PCDHA7: variants seen among roughly 807,000 people sequenced by gnomAD.
PCDHA7 encodes protocadherin alpha-7.
A neutral mutation model predicts 57.2 loss-of-function variants in PCDHA7; 37 were observed. The ratio of observed to expected loss-of-function variants is 0.65; its 90% CI spans 0.50 to 0.85. The LOEUF is 0.85. PCDHA7 is among the 40% of genes least tolerant of loss of function. The pLI, the probability that PCDHA7 is intolerant of heterozygous loss-of-function variation, is 0.00. For missense variants in PCDHA7, 1,188 were observed against 1,241.8 expected, an observed-to-expected ratio of 0.96 and a Z score of 0.65; for synonymous variants, 553 against 558.8, an observed-to-expected ratio of 0.99 and a Z score of 0.15.
intron 3 of PCDHA7, among the ~76,000 whole-genome samples, chr5:141,006,816 G>C (rs1554260932): frequency 6.6e-6 from 1 of 152,082 alleles, no homozygotes; most frequent in African/African-American, 2.4e-5. Flanking sequence ...TGAGAAATGG[G>C]GTAAATGGGG....
chr5:140,841,459 C>T, intron 1 of PCDHA7: 2 of 1,612,886 alleles, frequency 1.2e-6, no homozygotes, highest in South Asian at 1.1e-5. Context: ...CCTTCGTGGG[C>T]CGGATCGCGC....
At chr5:140,870,073 A>G in intron 1 of PCDHA7, 1 of 1,613,872 alleles carries the variant, frequency 6.2e-7, no homozygotes. Flanking sequence ...GGCTACAGAT[A>G]AGGGGACTCC....
At position 140,877,198 on chromosome 5, in the gene PCDHA7, G is replaced by A. The variant is rs781787046; in HGVS notation, c.2355+40460G>A. On this transcript the variant is annotated intron_variant, in intron 1 of 3. Transcript: ENST00000525929. Reference sequence around the variant, plus strand: ...GACTCCGGCTGGCAGCGCAGGAGGCGCAGTTAGCGAGTTGGTACCGCGGTC... The same window carrying A: ...GACTCCGGCTGGCAGCGCAGGAGGCACAGTTAGCGAGTTGGTACCGCGGTC... The A allele has an allele frequency of 1.5e-5, 24 of 1,613,830 alleles. No individual in the cohort carries two copies. The highest frequency in any genetic ancestry group is 7.7e-5 in the South Asian group (7 of 91,064).
chr5:140,848,892 T>C, intron 1 of PCDHA7: 1 of 1,601,494 alleles, frequency 6.2e-7, no homozygotes, highest in East Asian at 2.2e-5. Context: ...CCCTCCAGTG[T>C]TCCCAGCGAC....
rs183412283 is a variant in PCDHA7 at position 140,968,329 on chromosome 5, T to C, written c.2356-10620T>C. On this transcript the variant is annotated intron_variant, in intron 1 of 3. Transcript: ENST00000525929. ...TTCAAGGGCTGCCAGTCACCTCCTA[T>C]GTCTCCATTAACAGTGCCAGTGGCA... is the stretch of plus-strand genomic sequence containing the variant. 7.7e-5 allele frequency: 125 copies of C among 1,614,150 alleles called. 1 individual carries two copies. In the East Asian group the frequency reaches 2.7e-3, roughly 34 times the overall value.
intron 1 of PCDHA7, chr5:140,884,511 G>A (rs1202323930): frequency 6.2e-7 from 1 of 1,614,192 alleles, no homozygotes; most frequent in Non-Finnish European, 8.5e-7. Flanking sequence ...GCAGGGAGTT[G>A]GTCGTACTCG....
intron 1 of PCDHA7, among the ~76,000 whole-genome samples, chr5:140,845,370 T>C (rs1032525596): frequency 6.7e-6 from 1 of 149,690 alleles, no homozygotes; most frequent in Non-Finnish European, 1.5e-5. Flanking sequence ...CAAAATATCA[T>C]AAATAGGAGG....
chr5:140,848,357 T>C (rs2150409370), intron 1 of PCDHA7: 16 of 1,035,266 alleles, frequency 1.5e-5, no homozygotes, highest in African/African-American at 1.1e-4. Context: ...CCTTTTCCCA[T>C]GGGAAAGAGG....
Position 140,986,801 on chromosome 5 carries a change from T to C in PCDHA7, c.2503+4238T>C, listed in dbSNP as rs1381514203. ...CGGAAGCCACTAAGGCAGTGAGTCT[T>C]AGTTAGAGAACTTTGGTTTAGACAA... On this transcript the variant is annotated intron_variant, in intron 3 of 3. Coordinates refer to ENST00000525929, the MANE Select transcript of PCDHA7 (RefSeq NM_018910.3). 2.0e-5 allele frequency among the ~76,000 whole-genome samples: 3 copies of C among 152,144 alleles called. No homozygotes were observed. The East Asian group carries it at 5.8e-4, about 29-fold the overall frequency.
At chr5:140,839,838 A>G (rs1257715116) in intron 1 of PCDHA7, among the ~76,000 whole-genome samples, 1 of 152,060 alleles carries the variant, frequency 6.6e-6, no homozygotes, top group Non-Finnish European at 1.5e-5. Flanking sequence ...TGATGAATCC[A>G]TGGAGAATTT....
chr5:140,960,848 A>G (rs2095575135), intron 1 of PCDHA7, among the ~76,000 whole-genome samples: 1 of 152,212 alleles, frequency 6.6e-6, no homozygotes, highest in Non-Finnish European at 1.5e-5. Context: ...GTTTAATGGC[A>G]ACTATAAGCC....
chr5:140,969,058 T>C, intron 1 of PCDHA7: 1 of 1,614,166 alleles, frequency 6.2e-7, no homozygotes. Flanking sequence ...ACAACAATAT[T>C]GATGCCAGGA....
chr5:140,907,885 A>C (rs1554193167), intron 1 of PCDHA7, among the ~76,000 whole-genome samples: 1 of 152,210 alleles, frequency 6.6e-6, no homozygotes, highest in Admixed American at 6.5e-5. Flanking sequence ...CTCACATGGG[A>C]TACAAATATC....
At chr5:140,925,523 A>G (rs2082536331) in intron 1 of PCDHA7, among the ~76,000 whole-genome samples, 1 of 152,138 alleles carries the variant, frequency 6.6e-6, no homozygotes, top group African/African-American at 2.4e-5. Flanking sequence ...ACCAAATTAA[A>G]AGCGAGGAGA....
intron 3 of PCDHA7, among the ~76,000 whole-genome samples, chr5:140,984,162 C>A (rs2097089666): frequency 6.6e-6 from 1 of 152,150 alleles, no homozygotes; most frequent in Non-Finnish European, 1.5e-5. Context: ...GAGAACTTCC[C>A]AAAGAAGCCA....
intron 3 of PCDHA7, among the ~76,000 whole-genome samples, chr5:140,991,890 T>A (rs1192590580): frequency 1.3e-5 from 2 of 152,192 alleles, no homozygotes; most frequent in Non-Finnish European, 2.9e-5. Context: ...CCATAACAAA[T>A]TAACACAAAA....
intron 1 of PCDHA7, among the ~76,000 whole-genome samples, chr5:140,845,212 T>C (rs1779759360): frequency 6.7e-6 from 1 of 149,366 alleles, no homozygotes; most frequent in South Asian, 2.1e-4. Context: ...TTTAAGTCCT[T>C]TTAAAAAATA....
At chr5:140,874,372 A>C (rs1055265865) in intron 1 of PCDHA7, among the ~76,000 whole-genome samples, 1 of 152,362 alleles carries the variant, frequency 6.6e-6, no homozygotes, top group South Asian at 2.1e-4. Context: ...TAAACTCATG[A>C]AAGGTCTTTT....
intron 3 of PCDHA7, among the ~76,000 whole-genome samples, chr5:141,000,415 A>ATTT (rs1563651650): frequency 1.1e-5 from 1 of 87,398 alleles, no homozygotes; most frequent in South Asian, 4.0e-4. Flanking sequence ...ATATATATAT[A>ATTT]TATATATTTT....
Sources: gnomAD v4.1 joint callset for allele counts (sites outside exome capture counted in the v4.1 genomes callset) on GRCh38, gnomAD v4.1.1 for gene constraint, MANE v1.5 for transcripts, NCBI Gene and HGNC (gene_info 2026-07-23, HGNC 2026-07-21) for gene names.